Variants in PID1 observed in about 807,000 individuals in gnomAD.
PID1 encodes the protein PTB-containing, cubilin and LRP1-interacting protein.
A neutral mutation model predicts 19.1 loss-of-function variants in PID1; 10 were observed. That is an observed-to-expected ratio of 0.52 (90% confidence interval 0.32 to 0.89). The LOEUF (loss-of-function observed/expected upper bound fraction) is 0.89. Ranked by LOEUF, PID1 falls within the 40% of genes least tolerant of loss-of-function variation. The probability of loss-of-function intolerance (pLI) is 0.03; values close to 1 mark genes in which losing one functional copy is unlikely to be tolerated. For synonymous variants in PID1, 130 were observed against 116.0 expected, an observed-to-expected ratio of 1.12 and a Z score of -0.78; for missense variants, 248 against 285.3, an observed-to-expected ratio of 0.87 and a Z score of 0.94.
intron 1 of PID1, among the ~76,000 whole-genome samples, chr2:229,268,392 A>G (rs1439559647): frequency 6.6e-6 from 1 of 152,148 alleles, no homozygotes. Context: ...GATCTATCAC[A>G]CTCCCCTGGG....
At chr2:229,180,784 C>G (rs1282427455) in intron 1 of PID1, among the ~76,000 whole-genome samples, 2 of 152,342 alleles carry the variant, frequency 1.3e-5, no homozygotes, top group East Asian at 3.9e-4. Flanking sequence ...CCCATCTCCG[C>G]CACTCCGGAT....
At chr2:229,266,673 T>C (rs1340343793) in intron 1 of PID1, among the ~76,000 whole-genome samples, 2 of 152,246 alleles carry the variant, frequency 1.3e-5, no homozygotes, top group Non-Finnish European at 2.9e-5. Context: ...GCTCAGTTCA[T>C]TTCTAGCTGC....
intron 1 of PID1, among the ~76,000 whole-genome samples, chr2:229,180,972 C>T (rs955329691): frequency 2.0e-5 from 3 of 152,240 alleles, no homozygotes; most frequent in Non-Finnish European, 4.4e-5. Context: ...TCTCTCGGGG[C>T]GAACCCATTC....
chr2:229,199,720 T>TTATATATATATA (rs55942947), intron 1 of PID1, among the ~76,000 whole-genome samples: 27 of 132,154 alleles, frequency 2.0e-4, no homozygotes, highest in Admixed American at 1.0e-3. Flanking sequence ...AATATCTAAT[T>TTATATATATATA]TATATATATA....
chr2:229,157,312 C>G (rs780858490), intron 1 of PID1, among the ~76,000 whole-genome samples: 4 of 151,974 alleles, frequency 2.6e-5, no homozygotes, highest in Non-Finnish European at 5.9e-5. Context: ...CACCTGTAAT[C>G]CTAGCTACTT....
At chr2:229,219,639 T>C (rs1691922064) in intron 1 of PID1, among the ~76,000 whole-genome samples, 2 of 151,998 alleles carry the variant, frequency 1.3e-5, no homozygotes, top group African/African-American at 4.8e-5. Context: ...GCTCAAGTGA[T>C]CCTCCCACCT....
chr2:229,152,862 C>T (rs952253974), intron 2 of PID1, among the ~76,000 whole-genome samples: 1 of 152,112 alleles, frequency 6.6e-6, no homozygotes, highest in African/African-American at 2.4e-5. Flanking sequence ...TTCCTCCTGC[C>T]TCTTTCCCTC....
intron 1 of PID1, among the ~76,000 whole-genome samples, chr2:229,243,105 T>A (rs1689917011): frequency 6.6e-6 from 1 of 152,052 alleles, no homozygotes; most frequent in African/African-American, 2.4e-5. Flanking sequence ...GGCCTCACAA[T>A]CATGGTGGAA....
chr2:229,149,816 A>C (rs1690210374), intron 2 of PID1, among the ~76,000 whole-genome samples: 1 of 152,168 alleles, frequency 6.6e-6, no homozygotes, highest in African/African-American at 2.4e-5. Context: ...GCACAGGCCT[A>C]GGTGAGGGGC....
chr2:229,235,687 C>T (rs1392330047), intron 1 of PID1, among the ~76,000 whole-genome samples: 1 of 152,146 alleles, frequency 6.6e-6, no homozygotes, highest in African/African-American at 2.4e-5. Flanking sequence ...AAAGGGTGAG[C>T]TCATGCAGTG....
At chr2:229,083,070 T>G (rs1207201417) in intron 2 of PID1, among the ~76,000 whole-genome samples, 2 of 151,528 alleles carry the variant, frequency 1.3e-5, no homozygotes, top group Non-Finnish European at 2.9e-5. Context: ...AGGAAAACTA[T>G]AAAGAAAAAA....
intron 1 of PID1, among the ~76,000 whole-genome samples, chr2:229,265,566 C>A (rs1401099382): frequency 6.6e-6 from 1 of 152,178 alleles, no homozygotes; most frequent in East Asian, 1.9e-4. Context: ...GGACAAACGA[C>A]TCAACTATTT....
intron 1 of PID1, among the ~76,000 whole-genome samples, chr2:229,250,995 C>T (rs751746474): frequency 4.6e-5 from 7 of 152,138 alleles, no homozygotes; most frequent in South Asian, 2.1e-4. Context: ...GAAATTAACA[C>T]GAGGAGAAGC....
At chr2:229,222,082 A>T (rs1277532958) in intron 1 of PID1, among the ~76,000 whole-genome samples, 1 of 152,234 alleles carries the variant, frequency 6.6e-6, no homozygotes, top group Non-Finnish European at 1.5e-5. Flanking sequence ...ATATAAATTT[A>T]CTTATAACAT....
intron 1 of PID1, among the ~76,000 whole-genome samples, chr2:229,180,896 C>A (rs1384052097): frequency 6.6e-6 from 1 of 152,230 alleles, no homozygotes; most frequent in East Asian, 1.9e-4. Context: ...GACCGACTGA[C>A]CCGTGTTCAA....
At chr2:229,048,401 G>T (rs1176999309) in intron 2 of PID1, among the ~76,000 whole-genome samples, 1 of 152,200 alleles carries the variant, frequency 6.6e-6, no homozygotes, top group East Asian at 1.9e-4. Flanking sequence ...CCTCTGGAGG[G>T]TCTCTCGATT....
chr2:229,090,476 T>C (rs1694850575), intron 2 of PID1, among the ~76,000 whole-genome samples: 1 of 152,144 alleles, frequency 6.6e-6, no homozygotes. Flanking sequence ...GTCAGGTGGT[T>C]GTCAAAGGGC....
chr2:229,030,633 A>G (rs1289869149), intron 2 of PID1, among the ~76,000 whole-genome samples: 2 of 152,206 alleles, frequency 1.3e-5, no homozygotes, highest in East Asian at 1.9e-4. Context: ...AGAAATATAT[A>G]TCATGACATA....
chr2:229,051,216 GAAGAA>G (rs1693989193), intron 2 of PID1, among the ~76,000 whole-genome samples: 1 of 152,052 alleles, frequency 6.6e-6, no homozygotes, highest in Non-Finnish European at 1.5e-5. Flanking sequence ...AATTTTATTA[GAAGAA>G]AAGGAACACA....
Sources: allele counts gnomAD v4.1 joint callset (sites outside exome capture counted in the v4.1 genomes callset), GRCh38; gene constraint gnomAD v4.1.1; transcripts MANE v1.5; gene names NCBI Gene and HGNC (gene_info 2026-07-23, HGNC 2026-07-21).